The following CBFA2T3 variants were observed in gnomAD, a reference collection of about 807,000 sequenced individuals.
The protein encoded by CBFA2T3 is transcriptional corepressor CBFA2T3.
Under a neutral mutation model 58.6 loss-of-function variants are expected in CBFA2T3, and 31 were observed. The observed-to-expected ratio is 0.53, with a 90% confidence interval of 0.40 to 0.71. The LOEUF (loss-of-function observed/expected upper bound fraction) is 0.71. CBFA2T3 is among the 30% of genes least tolerant of loss of function. The pLI is 0.00. For synonymous variants in CBFA2T3, 531 were observed against 421.9 expected, an observed-to-expected ratio of 1.26 and a Z score of -3.17; for missense variants, 1,076 against 963.1, an observed-to-expected ratio of 1.12 and a Z score of -1.55.
At chr16:88,930,463 G>T (rs567387941) in intron 1 of CBFA2T3, among the ~76,000 whole-genome samples, 1 of 152,082 alleles carries the variant, frequency 6.6e-6, no homozygotes, top group South Asian at 2.1e-4. Flanking sequence ...GTCCATCAAC[G>T]GACACACAAA....
intron 11 of CBFA2T3, among the ~76,000 whole-genome samples, chr16:88,877,781 G>A (rs1402117363): frequency 6.6e-6 from 1 of 152,174 alleles, no homozygotes; most frequent in Non-Finnish European, 1.5e-5. Flanking sequence ...GCATCCCTGT[G>A]GGCAGAGGGG....
At chr16:88,895,735 G>C (rs1969864231) in intron 3 of CBFA2T3, among the ~76,000 whole-genome samples, 1 of 152,230 alleles carries the variant, frequency 6.6e-6, no homozygotes. Context: ...AGGAGGGCGG[G>C]GGATGCTACA....
chr16:88,951,418 T>G (rs1207083905), intron 1 of CBFA2T3: 1 of 427,828 alleles, frequency 2.3e-6, no homozygotes, highest in Non-Finnish European at 4.8e-6. Flanking sequence ...TAGCTGCGTC[T>G]TATTTTATTT....
At chr16:88,974,823 G>A (rs551703963) in intron 1 of CBFA2T3, among the ~76,000 whole-genome samples, 1 of 152,064 alleles carries the variant, frequency 6.6e-6, no homozygotes, top group East Asian at 1.9e-4. Context: ...GAGGCTTTCT[G>A]GCATCACAAG....
chr16:88,921,688 C>T (rs562019001), intron 1 of CBFA2T3, among the ~76,000 whole-genome samples: 2 of 152,294 alleles, frequency 1.3e-5, no homozygotes, highest in East Asian at 3.9e-4. Context: ...AAGAGTCACC[C>T]TAAACAGGAC....
rs529115559 is a variant in CBFA2T3 at position 88,906,936 on chromosome 16, G to T, written c.152-5280C>A. ...CGGCCCTGTGGGTGTCACATAGGCC[G>T]AAGGGACGCTGGCTCGTACTGGAGG... is the stretch of plus-strand genomic sequence containing the variant. On this transcript the variant is annotated intron_variant, in intron 1 of 11. Coordinates refer to ENST00000268679, the MANE Select transcript of CBFA2T3 (RefSeq NM_005187.6). 2.6e-4 allele frequency among the ~76,000 whole-genome samples: 39 copies of T among 152,332 alleles called. No homozygotes were observed. The South Asian group carries it at 7.2e-3, about 28-fold the overall frequency.
At chr16:88,910,255 C>G (rs2968475) in intron 1 of CBFA2T3, among the ~76,000 whole-genome samples, 50,616 of 152,154 alleles carry the variant, frequency 0.33, 8,587 homozygotes, top group Middle Eastern at 0.41. Context: ...CAGGCTGCCT[C>G]CTTCCCGGTG....
chr16:88,963,301 A>AGGGGTGGGCGCTCG (rs1972416212), intron 1 of CBFA2T3, among the ~76,000 whole-genome samples: 3 of 62,178 alleles, frequency 4.8e-5, no homozygotes, highest in Admixed American at 1.3e-4. Flanking sequence ...GTGGGCGCTC[A>AGGGGTGGGCGCTCG]TCTTCTGCCA....
At chr16:88,905,322 G>A (rs1171637062) in intron 1 of CBFA2T3, among the ~76,000 whole-genome samples, 1 of 152,096 alleles carries the variant, frequency 6.6e-6, no homozygotes, top group Non-Finnish European at 1.5e-5. Context: ...GGGGCTCAGG[G>A]CCATGCACGA....
At chr16:88,882,139 G>A (rs1240057657) in intron 8 of CBFA2T3, among the ~76,000 whole-genome samples, 1 of 152,238 alleles carries the variant, frequency 6.6e-6, no homozygotes, top group African/African-American at 2.4e-5. Flanking sequence ...GAGGAGGGGG[G>A]CTCAGGTGAA....
chr16:88,888,801 C>T (rs1162164498), intron 5 of CBFA2T3, among the ~76,000 whole-genome samples: 2 of 151,774 alleles, frequency 1.3e-5, no homozygotes, highest in Non-Finnish European at 2.9e-5. Flanking sequence ...TGGCCCCGGG[C>T]CCCGGGTGGG....
At chr16:88,900,349 C>G (rs1211577390) in intron 2 of CBFA2T3, among the ~76,000 whole-genome samples, 1 of 152,282 alleles carries the variant, frequency 6.6e-6, no homozygotes, top group Non-Finnish European at 1.5e-5. Context: ...AATCTGCTGC[C>G]TGACCGCACA....
chr16:88,935,181 T>C (rs913530234), intron 1 of CBFA2T3, among the ~76,000 whole-genome samples: 1 of 152,166 alleles, frequency 6.6e-6, no homozygotes, highest in Non-Finnish European at 1.5e-5. Context: ...GACCCAACGC[T>C]GCCCCCGGTC....
Position 88,881,330 on chromosome 16 carries a change from G to T in CBFA2T3, c.1363C>A (p.Pro455Thr). 6.3e-7 allele frequency: 1 copy of T among 1,585,342 alleles called. No homozygotes were observed. The highest frequency in any genetic ancestry group is 1.1e-5 in the South Asian group (1 of 88,816). The change falls in exon 9 of 12, where the codon CCC becomes ACC. Residue 455 changes from proline to threonine, a missense_variant. Coordinates refer to ENST00000268679, the MANE Select transcript of CBFA2T3 (RefSeq NM_005187.6). ...TCGGGACCGGCGGAGCTGCTGCGGGGCCGGGCCGCGGCGGGAGCGGGGCCC... is the reference window on the plus strand; with the variant it reads ...TCGGGACCGGCGGAGCTGCTGCGGGTCCGGGCCGCGGCGGGAGCGGGGCCC... The part of the protein sequence containing the change: ...KKGPAPAAAR[P>T]RSSSAGPEGP...
At chr16:88,903,658 C>CT (rs1479585663) in intron 1 of CBFA2T3, among the ~76,000 whole-genome samples, 2 of 32,998 alleles carry the variant, frequency 6.1e-5, no homozygotes, top group Non-Finnish European at 1.1e-4. Context: ...GTGTTCCCGG[C>CT]TGGGGGGGGG....
chr16:88,893,827 C>T (rs1028336976), intron 3 of CBFA2T3, among the ~76,000 whole-genome samples: 2 of 152,192 alleles, frequency 1.3e-5, no homozygotes, highest in East Asian at 1.9e-4. Context: ...AGGCGGCCAG[C>T]GCACCCCTCC....
At chr16:88,925,085 G>A (rs903528502) in intron 1 of CBFA2T3, among the ~76,000 whole-genome samples, 3 of 152,226 alleles carry the variant, frequency 2.0e-5, no homozygotes, top group African/African-American at 4.8e-5. Flanking sequence ...AGAGGGACCC[G>A]CCCGGAATCA....
At chr16:88,882,908 T>A in intron 7 of CBFA2T3, 147 bp from the exon 8 acceptor site, 3 of 655,596 alleles carry the variant, frequency 4.6e-6, no homozygotes, top group Non-Finnish European at 8.2e-6. Context: ...GCTGGTTGAC[T>A]TGGTGACCGT....
At chr16:88,948,955 A>T (rs1971975242) in intron 1 of CBFA2T3, among the ~76,000 whole-genome samples, 1 of 152,248 alleles carries the variant, frequency 6.6e-6, no homozygotes, top group South Asian at 2.1e-4. Flanking sequence ...TTGAGGTGGC[A>T]TTTAAAATCC....
Sources: gnomAD v4.1 joint callset for allele counts (sites outside exome capture counted in the v4.1 genomes callset) on GRCh38, gnomAD v4.1.1 for gene constraint, MANE v1.5 for transcripts, NCBI Gene and HGNC (gene_info 2026-07-23, HGNC 2026-07-21) for gene names.